GLS: variants seen among roughly 807,000 people sequenced by gnomAD.
GLS encodes the protein glutaminase kidney isoform, mitochondrial.
GLS carries 36 observed loss-of-function variants against 86.7 expected under a neutral mutation model. The ratio of observed to expected loss-of-function variants is 0.42; its 90% confidence interval spans 0.32 to 0.55. The LOEUF is 0.55. Among genes scored for constraint, GLS ranks in the 20% least tolerant of loss-of-function variants. GLS has a pLI of 0.17. For missense variants in GLS, 528 were observed against 833.4 expected (o/e 0.63, Z 4.51); for synonymous variants, 317 against 305.9 (o/e 1.04, Z -0.38).
intron 14 of GLS, among the ~76,000 whole-genome samples, chr2:190,950,518 A>AC (rs1208053648): frequency 2.6e-5 from 4 of 152,024 alleles, no homozygotes; most frequent in Non-Finnish European, 4.4e-5. Context: ...ATCAAGGACT[A>AC]CCCCCCATGG....
At chr2:190,960,466 G>A (rs530373539) in intron 17 of GLS, among the ~76,000 whole-genome samples, 2 of 148,410 alleles carry the variant, frequency 1.3e-5, no homozygotes, top group East Asian at 4.0e-4. Context: ...CCAGGCTCAA[G>A]CGATCCTCCC....
chr2:190,944,722 GTTAT>G (rs1464633423), intron 14 of GLS, among the ~76,000 whole-genome samples: 2 of 152,072 alleles, frequency 1.3e-5, no homozygotes, highest in Non-Finnish European at 1.5e-5. Context: ...GAGAAAAGAA[GTTAT>G]TTATTTGCTG....
chr2:190,938,508 AT>A lies in GLS; in HGVS notation c.1650+6877del, dbSNP rs1690338666. ...ACTTTTATTTACCATAATCTTATATATTTTTTAGAATCACAGATTTGAATTT... is the reference window on the plus strand; with the variant it reads ...ACTTTTATTTACCATAATCTTATATATTTTTAGAATCACAGATTTGAATTT... On this transcript the variant is annotated intron_variant, in intron 14 of 17. Coordinates refer to ENST00000320717, the MANE Select transcript of GLS (RefSeq NM_014905.5). The surrounding 1 kb of genome is among the most constrained non-coding windows in gnomAD (Gnocchi z 4.1). 6.6e-6 allele frequency among the ~76,000 whole-genome samples: 1 copy of A among 151,574 alleles called. No individual in the cohort carries two copies. The highest frequency in any genetic ancestry group is 2.4e-5 in the African/African-American group (1 of 41,410).
chr2:190,953,692 G>A lies in GLS; in HGVS notation c.1712+66G>A. ...TTATGAAGTTGCTTCTGGGCGAGCA[G>A]CCATTTTAAGGTTAAAGTCTCACTT... On this transcript the variant is annotated intron_variant, in intron 15 of 17. Transcript: ENST00000320717. The surrounding 1 kb of genome is among the most constrained non-coding windows in gnomAD (Gnocchi z 4.0). The A allele has an allele frequency of 9.1e-7, 1 of 1,102,576 alleles. No homozygotes were observed. The highest frequency in any genetic ancestry group is 1.4e-6 in the Non-Finnish European group (1 of 729,302). The allele number at this position is 1,102,576 out of a possible 1,614,324, so 68.3% of individuals were successfully genotyped here.
At chr2:190,942,067 C>CTGTTTTTTTTTTTTT (rs1690450715) in intron 14 of GLS, among the ~76,000 whole-genome samples, 1 of 38,054 alleles carries the variant, frequency 2.6e-5, no homozygotes, top group Non-Finnish European at 5.8e-5. Context: ...ACTTTGAAGA[C>CTGTTTTTTTTTTTTT]TTTTTTTTTT....
intron 3 of GLS, among the ~76,000 whole-genome samples, chr2:190,898,497 A>G (rs1405681528): frequency 6.6e-6 from 1 of 152,070 alleles, no homozygotes; most frequent in Non-Finnish European, 1.5e-5. Flanking sequence ...GCAGTTAGAT[A>G]CTCTCCTGAG....
At position 190,930,453 on chromosome 2, in the gene GLS, A is replaced by G; in HGVS notation, c.1442A>G (p.Lys481Arg). 6.2e-7 allele frequency: 1 copy of G among 1,609,852 alleles called. No homozygotes were observed. Among genetic ancestry groups the G allele is most frequent in the Non-Finnish European group, 8.5e-7 (1 of 1,176,340 alleles). ...TATTTTTAGGTTGGTCTTCCTGCAA[A>G]ATCTGGAGTTGCTGGGGGCATTCTT... ...QFAFHVGLPA[K>R]SGVAGGILLV... The change falls in exon 13 of 18, where the codon AAA becomes AGA. Residue 481 changes from lysine (K) to arginine (R), a missense_variant. By Grantham distance (26) the Lys-to-Arg change is conservative. Coordinates refer to ENST00000320717, the MANE Select transcript of GLS (RefSeq NM_014905.5). The surrounding 1 kb of genome is among the most constrained non-coding windows in gnomAD (Gnocchi z 5.0).
At chr2:190,936,909 AT>A (rs963029343) in intron 14 of GLS, among the ~76,000 whole-genome samples, 1 of 151,312 alleles carries the variant, frequency 6.6e-6, no homozygotes, top group African/African-American at 2.4e-5. Context: ...GCTAGAAAGC[AT>A]TTTTTAAAGG....
At chr2:190,937,766 A>G (rs1409853526) in intron 14 of GLS, among the ~76,000 whole-genome samples, 1 of 150,830 alleles carries the variant, frequency 6.6e-6, no homozygotes, top group East Asian at 1.9e-4. Context: ...TTCCTGATCC[A>G]TTAACCCTTA....
intron 7 of GLS, among the ~76,000 whole-genome samples, chr2:190,918,841 A>AAT (rs1403847608): frequency 1.3e-5 from 2 of 152,140 alleles, no homozygotes; most frequent in African/African-American, 2.4e-5. Context: ...TGTCTCAGGG[A>AAT]ATAGGGGTCC....
At position 190,921,217 on chromosome 2, in the gene GLS, A is replaced by T. The variant is rs371937567; in HGVS notation, c.1130+14A>T. ...CAGTAATGCAACGTGAGTGTTTTAA[A>T]TACTGTTTTGTTACGTAAAAACACA... On this transcript the variant is annotated intron_variant, in intron 9 of 17. Transcript: ENST00000320717. This position sits in a 1 kb window ranked among gnomAD's most constrained non-coding sequence, Gnocchi z 4.2. 4 of 1,550,408 alleles carry T rather than the reference A, an allele frequency of 2.6e-6. No homozygotes were observed.
In GLS at chr2:190,927,487, GTAAT is replaced by G. The variant is rs1190573726; in HGVS notation, c.1425+7_1425+10del. 6.3e-7 allele frequency: 1 copy of G among 1,592,910 alleles called. No individual in the cohort carries two copies. The highest frequency in any genetic ancestry group is 8.6e-7 in the Non-Finnish European group (1 of 1,167,544). On this transcript the variant is annotated splice_donor_region_variant and intron_variant, in intron 12 of 17. Transcript: ENST00000320717. ...TCAGGGCAGTTTGCTTTCCATGTAA[GTAAT>G]TGTTTAATCTTATTTTCTCTGGCAA...
At chr2:190,915,450 T>C (rs1377611336) in intron 7 of GLS, among the ~76,000 whole-genome samples, 2 of 152,302 alleles carry the variant, frequency 1.3e-5, no homozygotes, top group East Asian at 1.9e-4. Context: ...ATGTTTCTAC[T>C]GTATTTACTA....
At chr2:190,952,210 G>C (rs552315104) in intron 14 of GLS, among the ~76,000 whole-genome samples, 1 of 152,244 alleles carries the variant, frequency 6.6e-6, no homozygotes, top group African/African-American at 2.4e-5. Context: ...TAAGAAAACT[G>C]TTCTGGACTC....
chr2:190,881,510 C>T (rs1360523589), intron 1 of GLS, 40 bp downstream of exon 1: 4 of 1,520,010 alleles, frequency 2.6e-6, no homozygotes, highest in Non-Finnish European at 3.5e-6. Context: ...TCGTTCCTTT[C>T]GGGGCCCGGG....
intron 6 of GLS, among the ~76,000 whole-genome samples, chr2:190,907,784 C>T (rs543653136): frequency 6.6e-6 from 1 of 152,134 alleles, no homozygotes; most frequent in Non-Finnish European, 1.5e-5. Flanking sequence ...GGTACATGGG[C>T]CTTGCTTCTT....
chr2:190,929,360 C>T (rs926713935), intron 12 of GLS, among the ~76,000 whole-genome samples: 1 of 151,888 alleles, frequency 6.6e-6, no homozygotes, highest in Non-Finnish European at 1.5e-5. Flanking sequence ...AAAATATAGT[C>T]AGGAAGAATA....
At position 190,954,721 on chromosome 2, in the gene GLS, A is replaced by G. The variant is rs1300801457; in HGVS notation, c.1790-34A>G. The G allele has an allele frequency of 1.2e-6, 2 of 1,613,116 alleles. No homozygotes were observed. Among genetic ancestry groups the G allele is most frequent in the Non-Finnish European group, 1.7e-6 (2 of 1,179,286 alleles). ...AGATTTAATTTCTACTTAGTACTAAAATCTGCTCTTTTTTTGGGGGTGGGA... is the reference window on the plus strand; with the variant it reads ...AGATTTAATTTCTACTTAGTACTAAGATCTGCTCTTTTTTTGGGGGTGGGA... On this transcript the variant is annotated intron_variant, in intron 16 of 17. Transcript: ENST00000320717. This position sits in a 1 kb window ranked among gnomAD's most constrained non-coding sequence, Gnocchi z 4.0.
At chr2:190,902,211 G>A (rs1045898294) in intron 5 of GLS, among the ~76,000 whole-genome samples, 185 bp downstream of exon 5, 4 of 152,064 alleles carry the variant, frequency 2.6e-5, no homozygotes, top group Admixed American at 6.5e-5. Context: ...ATTATATTAA[G>A]TTTTATGAGA....
Sources: gnomAD v4.1 joint callset for allele counts (sites outside exome capture counted in the v4.1 genomes callset) on GRCh38, gnomAD v4.1.1 for gene constraint, Gnocchi (gnomAD v3.1) non-coding constraint, MANE v1.5 for transcripts, NCBI Gene and HGNC (gene_info 2026-07-23, HGNC 2026-07-21) for gene names.